Variants in ATP7B observed in about 807,000 individuals in gnomAD.
ATP7B encodes ATPase copper transporting beta.
Under a neutral mutation model 118.9 loss-of-function variants are expected in ATP7B, and 113 were observed. That is an observed-to-expected ratio of 0.95 (90% CI 0.82 to 1.11). The LOEUF (loss-of-function observed/expected upper bound fraction) is 1.11. Ranked by LOEUF, ATP7B falls within the 50% of genes most tolerant of loss-of-function variation. The probability of loss-of-function intolerance (pLI) is 0.00; values close to 1 mark genes in which losing one functional copy is unlikely to be tolerated. For missense variants in ATP7B, 1,867 were observed against 1,871.4 expected, an observed-to-expected ratio of 1.00 and a Z score of 0.04; for synonymous variants, 777 against 727.4, an observed-to-expected ratio of 1.07 and a Z score of -1.10.
Position 51,961,907 on chromosome 13 carries a change from C to A in ATP7B, c.1876G>T (p.Gly626Cys). The A allele has an allele frequency of 1.9e-6, 3 of 1,610,032 alleles. No individual in the cohort carries two copies. Among genetic ancestry groups the A allele is most frequent in the Non-Finnish European group, 1.7e-6 (2 of 1,176,498 alleles). The change falls in exon 6 of 21, where the codon GGC (glycine) becomes TGC (cysteine). Residue 626 changes from glycine (G) to cysteine (C), a missense_variant. Gly to Cys is a radical substitution (Grantham distance 159, BLOSUM62 -3). Coordinates refer to ENST00000242839, the MANE Select transcript of ATP7B (RefSeq NM_000053.4). ...RDIIKIIEEI[G>C]FHASLAQRNP... is the part of the protein sequence containing the mutation. ...CTCTGGGCCAGGGAAGCATGAAAGCCAATTTCCTTGTCATTAAAAAGAGAG... is the reference window on the plus strand; with the variant it reads ...CTCTGGGCCAGGGAAGCATGAAAGCAAATTTCCTTGTCATTAAAAAGAGAG...
intron 1 of ATP7B, among the ~76,000 whole-genome samples, chr13:52,007,947 C>T (rs892623660): frequency 6.6e-6 from 1 of 152,014 alleles, no homozygotes; most frequent in Non-Finnish European, 1.5e-5. Flanking sequence ...TTCCAGGAAC[C>T]ACCTTCCCAG....
chr13:51,939,583 A>G (rs1390104231), intron 16 of ATP7B, among the ~76,000 whole-genome samples: 1 of 152,264 alleles, frequency 6.6e-6, no homozygotes, highest in Admixed American at 6.5e-5. Context: ...TTAAAGTGAT[A>G]AATGTCCAAA....
intron 1 of ATP7B, among the ~76,000 whole-genome samples, chr13:52,003,579 C>T (rs1052825425): frequency 2.0e-5 from 3 of 151,774 alleles, no homozygotes; most frequent in Non-Finnish European, 2.9e-5. Context: ...ACACAAATGG[C>T]GTCAGTAGAC....
chr13:51,937,318 G>C lies in ATP7B; in HGVS notation c.3979C>G (p.Leu1327Val). 6.2e-7 allele frequency: 1 copy of C among 1,614,230 alleles called. No homozygotes were observed. The highest frequency in any genetic ancestry group is 8.5e-7 in the Non-Finnish European group (1 of 1,180,044). The change falls in exon 19 of 21, where the codon CTG becomes GTG. Residue 1327 changes from leucine to valine, a missense_variant. Leu to Val is a conservative substitution (Grantham distance 32). Coordinates refer to ENST00000242839, the MANE Select transcript of ATP7B (RefSeq NM_000053.4). ...CCAACCAGGTTATAAATCAGTGCCA[G>C]GACCAGGTTGATGCGTATCCTTCGG... The part of the protein sequence containing the change: ...TVRRIRINLV[L>V]ALIYNLVGIP...
chr13:51,957,670 G>A (rs2139507747), intron 8 of ATP7B, 63 bp from the exon 9 acceptor site: 1 of 1,501,190 alleles, frequency 6.7e-7, no homozygotes, highest in Non-Finnish European at 9.3e-7. Flanking sequence ...AACCCAGCCT[G>A]AGAGTCACAA....
upstream of ATP7B, chr13:52,011,457 G>A: frequency 7.8e-7 from 1 of 1,274,430 alleles, no homozygotes; most frequent in Admixed American, 1.9e-5. Flanking sequence ...TGAGGGCATC[G>A]GCGCGGCTCG....
intron 9 of ATP7B, 138 bp from the exon 10 acceptor site, chr13:51,950,537 T>TCAA: frequency 3.7e-6 from 5 of 1,337,854 alleles, no homozygotes; most frequent in Non-Finnish European, 5.2e-6. Flanking sequence ...CATTTACAGA[T>TCAA]ATTTATCGTG....
chr13:52,009,209 T>A (rs1953912723), intron 1 of ATP7B, among the ~76,000 whole-genome samples: 1 of 152,216 alleles, frequency 6.6e-6, no homozygotes, highest in African/African-American at 2.4e-5. Flanking sequence ...TTGGAAATAT[T>A]TTGAGATGGC....
At chr13:51,961,211 T>C (rs1255698574) in intron 6 of ATP7B, among the ~76,000 whole-genome samples, 1 of 151,814 alleles carries the variant, frequency 6.6e-6, no homozygotes, top group African/African-American at 2.4e-5. Flanking sequence ...ATTGATTTCA[T>C]TGCTCACTCA....
chr13:51,970,502 C>T lies in ATP7B; in HGVS notation c.1533G>A (p.Gln511=). 6.2e-7 allele frequency: 1 copy of T among 1,614,216 alleles called. No homozygotes were observed. The highest frequency in any genetic ancestry group is 1.3e-5 in the African/African-American group (1 of 75,056). ...SCVSNIERNL[Q]KEAGVLSVLV... ...GCGTTCATCTCTTACCAGCTTCTTT[C>T]TGCAGATTCCTTTCTATGTTAGACA... The change falls in exon 3 of 21, where the codon CAG becomes CAA. Residue 511 remains glutamine (Q), a synonymous_variant. Transcript: ENST00000242839.
At chr13:51,962,001 A>G in intron 5 of ATP7B, 88 bp from the exon 6 acceptor site, 1 of 1,168,698 alleles carries the variant, frequency 8.6e-7, no homozygotes, top group Non-Finnish European at 1.3e-6. Context: ...TCAGCTTTGG[A>G]AATTAGAAAG....
In ATP7B at chr13:51,974,021, G is replaced by A; in HGVS notation, c.1199C>T (p.Thr400Ile). The A allele has an allele frequency of 6.2e-7, 1 of 1,614,232 alleles. No individual in the cohort carries two copies. The highest frequency in any genetic ancestry group is 8.5e-7 in the Non-Finnish European group (1 of 1,180,044). The change falls in exon 2 of 21, where the codon ACA (threonine) becomes ATA (isoleucine). Residue 400 changes from threonine to isoleucine, a missense_variant. Coordinates refer to ENST00000242839, the MANE Select transcript of ATP7B (RefSeq NM_000053.4). ...ISVSLAEGTA[T>I]VLYNPSVISP... is the part of the protein sequence containing the mutation. ...AATTACAGAGGGATTATAAAGAACT[G>A]TTGCAGTCCCTTCGGCCAAAGACAC...
Position 51,993,487 on chromosome 13 carries a change from C to T in ATP7B, c.51+17800G>A, listed in dbSNP as rs116962937. On this transcript the variant is annotated intron_variant, in intron 1 of 20. Transcript: ENST00000242839. ...CTGAGGCAGGAAAATCATTTGAACC[C>T]GGAAGGTCGAGGGTGCTATGAGCCA... Among the ~76,000 whole-genome samples, 346 of 152,112 alleles carry T rather than the reference C, an allele frequency of 2.3e-3. 9 individuals are homozygous for T. In the East Asian group the frequency reaches 0.055, roughly 24 times the overall value.
At chr13:51,952,863 T>A (rs1958096362) in intron 9 of ATP7B, among the ~76,000 whole-genome samples, 4 of 152,148 alleles carry the variant, frequency 2.6e-5, no homozygotes, top group Admixed American at 6.5e-5. Context: ...ATCACCTAAT[T>A]GACATTTTCA....
At chr13:51,987,958 G>C (rs1181036470) in intron 1 of ATP7B, among the ~76,000 whole-genome samples, 2 of 152,078 alleles carry the variant, frequency 1.3e-5, no homozygotes, top group African/African-American at 4.8e-5. Flanking sequence ...AAAAACCCTA[G>C]AAGAAAACAT....
In ATP7B at chr13:51,947,569, C is replaced by A. The variant is rs555591522; in HGVS notation, c.2866-1091G>T. Among the ~76,000 whole-genome samples, 5 of 152,214 alleles carry A rather than the reference C, an allele frequency of 3.3e-5. No homozygotes were observed. In the South Asian group the frequency reaches 1.0e-3, roughly 32 times the overall value. Reference sequence around the variant, plus strand: ...CCACAGCCTCTTTAGCTTCCATCTACATTTTATTATTTCACTCTGAAAGGC... The same window carrying A: ...CCACAGCCTCTTTAGCTTCCATCTAAATTTTATTATTTCACTCTGAAAGGC... On this transcript the variant is annotated intron_variant, in intron 12 of 20. Transcript: ENST00000242839.
At chr13:51,990,666 G>A (rs1363231910) in intron 1 of ATP7B, among the ~76,000 whole-genome samples, 2 of 152,244 alleles carry the variant, frequency 1.3e-5, no homozygotes, top group African/African-American at 4.8e-5. Context: ...AGCGAATGCT[G>A]ATGATTCCAT....
Position 51,950,327 on chromosome 13 carries a change from T to C in ATP7B, c.2520A>G (p.Pro840=). The change falls in exon 10 of 21, where the codon CCA becomes CCG. Residue 840 remains proline (P), a synonymous_variant. Coordinates refer to ENST00000242839, the MANE Select transcript of ATP7B (RefSeq NM_000053.4). ...TGCCTTCCAGGACTTTCCCATCCAC[T>C]GGAAACTTTCCCCCAGGGACCACCT... is the stretch of plus-strand genomic sequence containing the variant. ...IVKVVPGGKF[P]VDGKVLEGNT... 5 of 1,614,138 alleles carry C rather than the reference T, an allele frequency of 3.1e-6. No homozygotes were observed. Among genetic ancestry groups the C allele is most frequent in the South Asian group, 1.1e-5 (1 of 91,076 alleles).
intron 1 of ATP7B, among the ~76,000 whole-genome samples, chr13:51,994,568 C>T (rs1192065412): frequency 6.6e-6 from 1 of 152,184 alleles, no homozygotes; most frequent in Non-Finnish European, 1.5e-5. Flanking sequence ...TCTTTAAATA[C>T]TCAAAAGGAG....
Sources: allele counts gnomAD v4.1 joint callset (sites outside exome capture counted in the v4.1 genomes callset), GRCh38; gene constraint gnomAD v4.1.1; transcripts MANE v1.5; gene names NCBI Gene and HGNC (gene_info 2026-07-23, HGNC 2026-07-21).